Variants in INTS7 observed in about 807,000 individuals in gnomAD.
The protein encoded by INTS7 is chromosome 1 open reading frame 73.
A neutral mutation model predicts 109.2 loss-of-function variants in INTS7; 46 were observed. That is an observed-to-expected ratio of 0.42 (90% CI 0.33 to 0.54). The LOEUF is 0.54. INTS7 is among the 20% of genes least tolerant of loss of function. The pLI, the probability that INTS7 is intolerant of heterozygous loss-of-function variation, is 0.07. For missense variants in INTS7, 929 were observed against 1,132.4 expected (o/e 0.82, Z 2.58); for synonymous variants, 412 against 402.9 (o/e 1.02, Z -0.27).
At chr1:211,979,218 T>C (rs571822605) in intron 10 of INTS7, among the ~76,000 whole-genome samples, 19 of 152,340 alleles carry the variant, frequency 1.2e-4, no homozygotes, top group Non-Finnish European at 8.8e-5. Context: ...CCATTCTCTC[T>C]ACCACATCAT....
At position 211,942,384 on chromosome 1, in the gene INTS7, C is replaced by A. The variant is rs78118181; in HGVS notation, c.2602-273G>T. 0.026 allele frequency among the ~76,000 whole-genome samples: 3,925 copies of A among 152,254 alleles called. 56 individuals carry two copies. Among genetic ancestry groups the A allele is most frequent in the African/African-American group, 0.045 (1,870 of 41,534 alleles). Reference sequence around the variant, plus strand: ...GAACTACTAAGTGATGCTCCTCACTCTACTTGAGTAGAATGAGCTCCCAGA... The same window carrying A: ...GAACTACTAAGTGATGCTCCTCACTATACTTGAGTAGAATGAGCTCCCAGA... On this transcript the variant is annotated intron_variant, in intron 19 of 19. Coordinates refer to ENST00000366994, the MANE Select transcript of INTS7 (RefSeq NM_015434.4). The surrounding 1 kb of genome is among the most constrained non-coding windows in gnomAD (Gnocchi z 4.2).
chr1:211,953,524 A>G (rs191497196), intron 16 of INTS7, among the ~76,000 whole-genome samples: 4,465 of 142,726 alleles, frequency 0.031, 124 homozygotes, highest in Non-Finnish European at 0.049. Context: ...AGCATTAGGT[A>G]TATCTCCTAA....
intron 17 of INTS7, 103 bp downstream of exon 17, chr1:211,952,466 G>C (rs1414114852): frequency 1.7e-6 from 2 of 1,164,174 alleles, no homozygotes; most frequent in South Asian, 2.9e-5. Flanking sequence ...TAAGGAAACA[G>C]GCACAGAAAG....
intron 1 of INTS7, among the ~76,000 whole-genome samples, chr1:212,033,144 C>A (rs1667246777): frequency 6.6e-6 from 1 of 152,076 alleles, no homozygotes; most frequent in Non-Finnish European, 1.5e-5. Flanking sequence ...AGTGTGTATG[C>A]TGAGGTGGGG....
chr1:212,007,487 C>G lies in INTS7; in HGVS notation c.557-38G>C, dbSNP rs745892731. 2.0e-6 allele frequency: 3 copies of G among 1,487,710 alleles called. No individual in the cohort carries two copies. The East Asian group carries it at 6.8e-5, about 34-fold the overall frequency. The allele number at this position is 1,487,710 out of a possible 1,614,324, so 92.2% of individuals were successfully genotyped here. On this transcript the variant is annotated intron_variant, in intron 5 of 19. Coordinates refer to ENST00000366994, the MANE Select transcript of INTS7 (RefSeq NM_015434.4). ...ATAATTCTCAAGGTATTTGTGATCA[C>G]CATCCTTAATAATATTCCAGATTTA...
At chr1:211,964,021 G>A (rs1006337168) in intron 16 of INTS7, among the ~76,000 whole-genome samples, 3 of 152,030 alleles carry the variant, frequency 2.0e-5, no homozygotes, top group Non-Finnish European at 4.4e-5. Flanking sequence ...TGAAATAAAG[G>A]GCATCCAAAT....
intron 7 of INTS7, among the ~76,000 whole-genome samples, chr1:211,994,422 TC>T (rs1168592324): frequency 6.9e-6 from 1 of 145,774 alleles, no homozygotes; most frequent in African/African-American, 2.6e-5. Flanking sequence ...AAAAAAATTC[TC>T]TTTTTTTTTT....
chr1:212,002,640 T>G (rs1405320429), intron 7 of INTS7, among the ~76,000 whole-genome samples: 1 of 152,248 alleles, frequency 6.6e-6, no homozygotes. Context: ...TGACATTCCC[T>G]TCTTTAGGTC....
At position 211,944,877 on chromosome 1, in the gene INTS7, C is replaced by CTGA. The variant is rs770296387; in HGVS notation, c.2505_2507dup (p.Val835_Gln836insHis). 10 of 1,614,172 alleles carry CTGA rather than the reference C, an allele frequency of 6.2e-6. No individual in the cohort carries two copies. Among genetic ancestry groups the CTGA allele is most frequent in the Non-Finnish European group, 7.6e-6 (9 of 1,179,980 alleles). Reference sequence around the variant, plus strand: ...GGAAGAGTCCTGGTTTAGATCCGTGCTGAACCACTCCCTCTACCTTTAGCG... The same window carrying CTGA: ...GGAAGAGTCCTGGTTTAGATCCGTGCTGATGAACCACTCCCTCTACCTTTAGCG... On this transcript the variant is annotated inframe_insertion, in exon 19 of 20. Coordinates refer to ENST00000366994, the MANE Select transcript of INTS7 (RefSeq NM_015434.4).
chr1:211,994,372 T>C (rs1313406273), intron 7 of INTS7, among the ~76,000 whole-genome samples: 1 of 152,110 alleles, frequency 6.6e-6, no homozygotes, highest in Non-Finnish European at 1.5e-5. Flanking sequence ...CAACATCTGT[T>C]TAATTAAAAT....
chr1:211,955,780 G>C (rs914467208), intron 16 of INTS7, among the ~76,000 whole-genome samples: 1 of 152,118 alleles, frequency 6.6e-6, no homozygotes. Context: ...TTATGCATAC[G>C]TGGCTCACTG....
chr1:211,944,664 T>C (rs1213769712), intron 19 of INTS7, 120 bp downstream of exon 19: 1 of 773,004 alleles, frequency 1.3e-6, no homozygotes, highest in Non-Finnish European at 2.1e-6. Context: ...TTAATTTATG[T>C]CCATCTGATC....
intron 8 of INTS7, among the ~76,000 whole-genome samples, 162 bp downstream of exon 8, chr1:211,987,724 G>A (rs1664955065): frequency 6.6e-6 from 1 of 152,036 alleles, no homozygotes; most frequent in Non-Finnish European, 1.5e-5. Flanking sequence ...GTTATCATAG[G>A]CATTAGTTAA....
chr1:212,004,123 T>C (rs992904795), intron 7 of INTS7, among the ~76,000 whole-genome samples: 2 of 152,176 alleles, frequency 1.3e-5, no homozygotes, highest in African/African-American at 2.4e-5. Flanking sequence ...GGCAGGTGGA[T>C]TGCTTGAGGT....
chr1:212,025,656 C>T (rs1361996214), intron 1 of INTS7: 1 of 198,508 alleles, frequency 5.0e-6, no homozygotes, highest in African/African-American at 2.3e-5. Context: ...GAAAACTCCT[C>T]TCTGGATCCT....
At chr1:211,991,453 A>G (rs1333576971) in intron 7 of INTS7, among the ~76,000 whole-genome samples, 1 of 152,262 alleles carries the variant, frequency 6.6e-6, no homozygotes, top group Non-Finnish European at 1.5e-5. Context: ...AAAAAAATAG[A>G]TATTGGTTGC....
chr1:211,964,000 A>C (rs772789064), intron 16 of INTS7, among the ~76,000 whole-genome samples: 1 of 152,212 alleles, frequency 6.6e-6, no homozygotes, highest in Non-Finnish European at 1.5e-5. Context: ...CAGAGCAATC[A>C]GGTGAGAGAA....
intron 7 of INTS7, among the ~76,000 whole-genome samples, chr1:212,000,642 C>T (rs1665625860): frequency 6.6e-6 from 1 of 152,154 alleles, no homozygotes; most frequent in Non-Finnish European, 1.5e-5. Context: ...ACATGGCAAT[C>T]CTCTATTTCC....
chr1:211,980,276 G>A (rs1014971457), intron 10 of INTS7, among the ~76,000 whole-genome samples: 1 of 152,030 alleles, frequency 6.6e-6, no homozygotes, highest in African/African-American at 2.4e-5. Flanking sequence ...CTGCTAAAAT[G>A]AGCCATGACT....
Sources: gnomAD v4.1 joint callset for allele counts (sites outside exome capture counted in the v4.1 genomes callset) on GRCh38, gnomAD v4.1.1 for gene constraint, Gnocchi (gnomAD v3.1) non-coding constraint, MANE v1.5 for transcripts, NCBI Gene and HGNC (gene_info 2026-07-23, HGNC 2026-07-21) for gene names.